The following THSD7B variants were observed in gnomAD, a reference collection of about 807,000 sequenced individuals.
The protein encoded by THSD7B is thrombospondin type 1 domain containing 7B, also known as thrombospondin type-1 domain-containing protein 7B.
In THSD7B, 138 loss-of-function variants were observed where a neutral mutation model predicts 213.6. That is an observed-to-expected ratio of 0.65 (90% CI 0.56 to 0.74). The LOEUF (loss-of-function observed/expected upper bound fraction) is 0.74. Ranked by LOEUF, THSD7B falls within the 30% of genes least tolerant of loss-of-function variation. THSD7B has a pLI of 0.00. For missense variants in THSD7B, 1,931 were observed against 1,991.5 expected, an observed-to-expected ratio of 0.97 and a Z score of 0.58; for synonymous variants, 742 against 687.0, an observed-to-expected ratio of 1.08 and a Z score of -1.25.
chr2:137,350,597 G>A (rs1385533411), intron 12 of THSD7B, among the ~76,000 whole-genome samples: 1 of 151,782 alleles, frequency 6.6e-6, no homozygotes, highest in East Asian at 1.9e-4. Context: ...AAGTTGGAGA[G>A]CGACATGATT....
intron 15 of THSD7B, among the ~76,000 whole-genome samples, chr2:137,531,979 A>G (rs964339202): frequency 1.4e-4 from 22 of 151,976 alleles, no homozygotes; most frequent in African/African-American, 4.8e-4. Context: ...GCCTTCTACA[A>G]TATAAACAGA....
intron 12 of THSD7B, among the ~76,000 whole-genome samples, chr2:137,372,784 T>G (rs1174975934): frequency 6.6e-6 from 1 of 151,876 alleles, no homozygotes. Flanking sequence ...GCCATGCTGG[T>G]GTGCTGCACC....
Position 137,403,845 on chromosome 2 carries a change from G to A in THSD7B, c.2501-1768G>A, listed in dbSNP as rs114426593. Among the ~76,000 whole-genome samples, 649 of 152,296 alleles carry A rather than the reference G, an allele frequency of 4.3e-3. 6 individuals are homozygous for A. The highest frequency in any genetic ancestry group is 0.015 in the African/African-American group (610 of 41,558). On this transcript the variant is annotated intron_variant, in intron 12 of 27. Coordinates refer to ENST00000409968, the MANE Select transcript of THSD7B (RefSeq NM_001316349.2). ...TGATTGTTACCACTTAAGAGGGGTG[G>A]ATGCTACTGGCATCTAATGGGTAGA...
At chr2:137,014,305 A>G (rs1442060797) in intron 2 of THSD7B, among the ~76,000 whole-genome samples, 3 of 152,188 alleles carry the variant, frequency 2.0e-5, no homozygotes, top group East Asian at 1.9e-4. Flanking sequence ...TGTGGTTTTC[A>G]TCAGCCCAGT....
At chr2:137,628,723 A>G (rs1270305295) in intron 20 of THSD7B, among the ~76,000 whole-genome samples, 1 of 152,210 alleles carries the variant, frequency 6.6e-6, no homozygotes, top group East Asian at 1.9e-4. Flanking sequence ...AAAAGGCAAG[A>G]AAGAATAAAG....
At chr2:136,860,739 G>A (rs559210566) in intron 1 of THSD7B, among the ~76,000 whole-genome samples, 64 of 152,216 alleles carry the variant, frequency 4.2e-4, no homozygotes, top group African/African-American at 1.5e-3. Context: ...ACAGCATCTC[G>A]AGAGATCCTG....
chr2:136,978,613 C>T (rs188348627), intron 2 of THSD7B, among the ~76,000 whole-genome samples: 2 of 152,212 alleles, frequency 1.3e-5, no homozygotes, highest in African/African-American at 2.4e-5. Flanking sequence ...GCAACCCCTG[C>T]TTTTTTCTAC....
chr2:137,039,398 T>C (rs1573782612), intron 2 of THSD7B, among the ~76,000 whole-genome samples: 1 of 152,200 alleles, frequency 6.6e-6, no homozygotes, highest in African/African-American at 2.4e-5. Flanking sequence ...TCTGGAGACA[T>C]TTTTGATTGC....
At chr2:136,929,838 C>A (rs1684598572) in intron 2 of THSD7B, among the ~76,000 whole-genome samples, 1 of 152,120 alleles carries the variant, frequency 6.6e-6, no homozygotes, top group African/African-American at 2.4e-5. Flanking sequence ...TCCTGTGTCG[C>A]ATGACTAGAT....
At chr2:136,973,132 A>G (rs1159927311) in intron 2 of THSD7B, among the ~76,000 whole-genome samples, 1 of 152,206 alleles carries the variant, frequency 6.6e-6, no homozygotes, top group African/African-American at 2.4e-5. Flanking sequence ...AATCTTAGGA[A>G]GCACAAAGAT....
intron 2 of THSD7B, among the ~76,000 whole-genome samples, chr2:137,020,691 G>A (rs1395075241): frequency 6.6e-6 from 1 of 152,178 alleles, no homozygotes; most frequent in African/African-American, 2.4e-5. Context: ...GGAGCCGCAA[G>A]CACTCCTTCG....
chr2:137,334,176 C>T (rs1422330209), intron 12 of THSD7B, among the ~76,000 whole-genome samples: 1 of 27,288 alleles, frequency 3.7e-5, no homozygotes, highest in East Asian at 3.2e-3. Flanking sequence ...CTCTTTCTCT[C>T]TCTCTCTCTC....
intron 14 of THSD7B, among the ~76,000 whole-genome samples, chr2:137,431,693 G>C (rs951081500): frequency 7.2e-5 from 11 of 151,974 alleles, no homozygotes; most frequent in Non-Finnish European, 2.9e-5. Context: ...ATGACACCCC[G>C]GACCCCATAG....
In THSD7B at chr2:137,656,811, C is replaced by T. The variant is rs1472213738; in HGVS notation, c.4121C>T (p.Thr1374Ile). The T allele has an allele frequency of 6.2e-7, 1 of 1,613,810 alleles. No homozygotes were observed. Among genetic ancestry groups the T allele is most frequent in the Non-Finnish European group, 8.5e-7 (1 of 1,179,790 alleles). Residue 1374 changes from threonine to isoleucine, a missense_variant, in exon 23 of 28, where the codon ACA (threonine) becomes ATA (isoleucine). By Grantham distance (89) the Thr-to-Ile change is moderately conservative (BLOSUM62 -1). Coordinates refer to ENST00000409968, the MANE Select transcript of THSD7B (RefSeq NM_001316349.2). ...GACTGTCCAGGAGACTGCCATTTAA[C>T]AGAATGGTCAGAGTGGAGCACATGT... The part of the protein sequence containing the change: ...SVPCPGDCHL[T>I]EWSEWSTCEL...
At chr2:137,141,635 C>T (rs1374674069) in intron 5 of THSD7B, among the ~76,000 whole-genome samples, 1 of 151,818 alleles carries the variant, frequency 6.6e-6, no homozygotes, top group Non-Finnish European at 1.5e-5. Context: ...ATGGGGGAAA[C>T]TTAGTGAAAG....
At chr2:137,046,482 C>A (rs1686971845) in intron 2 of THSD7B, among the ~76,000 whole-genome samples, 1 of 152,168 alleles carries the variant, frequency 6.6e-6, no homozygotes, top group East Asian at 1.9e-4. Flanking sequence ...GTCATCCCAG[C>A]ACTTTGGGAA....
intron 7 of THSD7B, among the ~76,000 whole-genome samples, chr2:137,217,621 A>G (rs1681278582): frequency 1.3e-5 from 2 of 152,138 alleles, no homozygotes; most frequent in African/African-American, 4.8e-5. Context: ...ACCTTGATCA[A>G]ATATATTGAT....
chr2:137,229,109 A>G (rs1681581356), intron 7 of THSD7B, among the ~76,000 whole-genome samples: 1 of 152,190 alleles, frequency 6.6e-6, no homozygotes, highest in South Asian at 2.1e-4. Flanking sequence ...ATTTTTCAGT[A>G]ATGAAACCAA....
chr2:137,234,212 C>G (rs893471182), intron 9 of THSD7B, among the ~76,000 whole-genome samples: 4 of 152,114 alleles, frequency 2.6e-5, no homozygotes, highest in African/African-American at 9.7e-5. Context: ...TGGTCCTGTC[C>G]CTACTGACTA....
Sources: allele counts gnomAD v4.1 joint callset (sites outside exome capture counted in the v4.1 genomes callset), GRCh38; gene constraint gnomAD v4.1.1; transcripts MANE v1.5; gene names NCBI Gene and HGNC (gene_info 2026-07-23, HGNC 2026-07-21).